Variants in M1AP observed in about 807,000 individuals in gnomAD.
M1AP encodes meiosis 1 associated protein.
Under a neutral mutation model 51.2 loss-of-function variants are expected in M1AP, and 39 were observed. The observed-to-expected ratio is 0.76, with a 90% CI of 0.59 to 1.00. M1AP has a LOEUF of 1.00. Ranked by LOEUF, M1AP falls within the 50% of genes least tolerant of loss-of-function variation. The probability of loss-of-function intolerance (pLI) is 0.00; values close to 1 mark genes in which losing one functional copy is unlikely to be tolerated. For missense variants in M1AP, 545 were observed against 641.2 expected, an observed-to-expected ratio of 0.85 and a Z score of 1.62; for synonymous variants, 251 against 249.2, an observed-to-expected ratio of 1.01 and a Z score of -0.07.
At chr2:74,625,567 A>C (rs1682334758) in intron 2 of M1AP, among the ~76,000 whole-genome samples, 1 of 152,098 alleles carries the variant, frequency 6.6e-6, no homozygotes, top group Non-Finnish European at 1.5e-5. Flanking sequence ...CTCTGTGATA[A>C]ATTCCTTTAA....
chr2:74,565,788 C>T (rs1678337664), intron 7 of M1AP, among the ~76,000 whole-genome samples: 1 of 150,794 alleles, frequency 6.6e-6, no homozygotes, highest in Non-Finnish European at 1.5e-5. Context: ...GAAATCACAC[C>T]ACTGCCCTCC....
intron 4 of M1AP, among the ~76,000 whole-genome samples, chr2:74,595,432 G>A (rs1680273666): frequency 6.6e-6 from 1 of 152,074 alleles, no homozygotes. Context: ...GCTCACTGCA[G>A]CCTTGACCTT....
At chr2:74,611,892 T>TG (rs1439429875) in intron 3 of M1AP, among the ~76,000 whole-genome samples, 41 of 76,640 alleles carry the variant, frequency 5.3e-4, no homozygotes, top group African/African-American at 1.8e-3. Context: ...GTTTTTTTTT[T>TG]TTTTTTTTTT....
chr2:74,613,114 T>A (rs1255926183), intron 3 of M1AP, among the ~76,000 whole-genome samples: 1 of 152,222 alleles, frequency 6.6e-6, no homozygotes, highest in Non-Finnish European at 1.5e-5. Flanking sequence ...ATGTTTTTGA[T>A]CTCTAGCACC....
In M1AP at chr2:74,620,670, G is replaced by A. The variant is rs115057186; in HGVS notation, c.241-5521C>T. On this transcript the variant is annotated intron_variant, in intron 2 of 10. Coordinates refer to ENST00000421985, the MANE Select transcript of M1AP (RefSeq NM_001321739.2). Reference sequence around the variant, plus strand: ...ATGGCCTGTGAACAAGATAATGCTGGGTTCTCCTGCCTGGTACAGTTTTTT... The same window carrying A: ...ATGGCCTGTGAACAAGATAATGCTGAGTTCTCCTGCCTGGTACAGTTTTTT... The A allele has an allele frequency of 3.5e-3, 762 of 215,864 alleles. 3 individuals carry two copies. Among genetic ancestry groups the A allele is most frequent in the African/African-American group, 0.016 (701 of 43,462 alleles). The allele number at this position is 215,864 out of a possible 1,614,324, so 13.4% of individuals were successfully genotyped here.
intron 2 of M1AP, among the ~76,000 whole-genome samples, chr2:74,626,256 A>ATTTTTTTTTT (rs1485849068): frequency 5.9e-5 from 8 of 136,502 alleles, no homozygotes; most frequent in African/African-American, 2.1e-4. Flanking sequence ...GCTATATTTC[A>ATTTTTTTTTT]GTTTTTTTTT....
At chr2:74,612,331 ACCTCGGCCT>A (rs1485026182) in intron 3 of M1AP, among the ~76,000 whole-genome samples, 1 of 151,458 alleles carries the variant, frequency 6.6e-6, no homozygotes, top group East Asian at 1.9e-4. Flanking sequence ...CAATCTTTCC[ACCTCGGCCT>A]CCCAAAGTAG....
At chr2:74,623,321 T>C (rs1278499264) in intron 2 of M1AP, among the ~76,000 whole-genome samples, 1 of 151,964 alleles carries the variant, frequency 6.6e-6, no homozygotes, top group Non-Finnish European at 1.5e-5. Context: ...CTGTGCAACA[T>C]AGTGAAACCC....
At chr2:74,643,406 T>C (rs1173719387) in intron 1 of M1AP, among the ~76,000 whole-genome samples, 1 of 152,212 alleles carries the variant, frequency 6.6e-6, no homozygotes, top group Non-Finnish European at 1.5e-5. Context: ...TGATTTCATC[T>C]ACATTTTAAA....
intron 2 of M1AP, among the ~76,000 whole-genome samples, chr2:74,622,666 G>A (rs1682129593): frequency 1.3e-5 from 2 of 150,770 alleles, no homozygotes; most frequent in South Asian, 2.1e-4. Context: ...TCAAGGAAGA[G>A]AGAGGGTAAC....
intron 2 of M1AP, among the ~76,000 whole-genome samples, chr2:74,621,289 A>T (rs944430603): frequency 2.6e-5 from 4 of 151,302 alleles, no homozygotes; most frequent in Non-Finnish European, 5.9e-5. Flanking sequence ...CTCAAAAAAA[A>T]CCCCAAAAAA....
intron 4 of M1AP, among the ~76,000 whole-genome samples, chr2:74,605,855 C>T (rs950044436): frequency 2.0e-5 from 3 of 151,024 alleles, no homozygotes; most frequent in Non-Finnish European, 4.4e-5. Flanking sequence ...GAGCCGAGAT[C>T]GCGCCACCGC....
At chr2:74,647,420 A>G (rs900815043) in intron 1 of M1AP, 4 of 985,202 alleles carry the variant, frequency 4.1e-6, no homozygotes, top group Non-Finnish European at 4.8e-6. Flanking sequence ...GCAGGGCCCT[A>G]TTAAAGATTT....
intron 2 of M1AP, among the ~76,000 whole-genome samples, chr2:74,631,382 T>C (rs1682695101): frequency 6.6e-6 from 1 of 152,208 alleles, no homozygotes; most frequent in Non-Finnish European, 1.5e-5. Context: ...AATTCACCAC[T>C]ATAGAAATGA....
Position 74,640,144 on chromosome 2 carries a change from A to C in M1AP, c.132T>G (p.Ala44=). Residue 44 remains alanine, a synonymous_variant, in exon 2 of 11, where the codon GCT becomes GCG. Transcript: ENST00000421985. ...AGGCTAGAGAGAAGAAGTTCTGCAG[A>C]GCCTCACAGAGGTTGGTGCAGATGT... is the stretch of plus-strand genomic sequence containing the variant. The part of the protein sequence containing the change: ...WADICTNLCE[A]LQNFFSLACS... 1 of 1,614,094 alleles carries C rather than the reference A, an allele frequency of 6.2e-7. No homozygotes were observed. Among genetic ancestry groups the C allele is most frequent in the Non-Finnish European group, 8.5e-7 (1 of 1,179,918 alleles).
chr2:74,565,156 G>A (rs911788370), intron 7 of M1AP, among the ~76,000 whole-genome samples: 2 of 151,886 alleles, frequency 1.3e-5, no homozygotes, highest in Non-Finnish European at 2.9e-5. Context: ...CCGGGAGGTG[G>A]AGGTTGCAGT....
At chr2:74,624,304 G>C (rs998115273) in intron 2 of M1AP, among the ~76,000 whole-genome samples, 1 of 152,200 alleles carries the variant, frequency 6.6e-6, no homozygotes, top group Non-Finnish European at 1.5e-5. Context: ...GGAATCAGTA[G>C]ACATATATTA....
At chr2:74,628,182 T>C in intron 2 of M1AP, 1 of 199,058 alleles carries the variant, frequency 5.0e-6, no homozygotes. Flanking sequence ...AAACTACTTT[T>C]CCTTTTTATA....
rs1359669152 is a variant in M1AP at position 74,576,567 on chromosome 2, G to A, written c.821C>T (p.Ala274Val). The A allele has an allele frequency of 1.2e-6, 2 of 1,614,108 alleles. No individual in the cohort carries two copies. Among genetic ancestry groups the A allele is most frequent in the Admixed American group, 3.3e-5 (2 of 60,012 alleles). Residue 274 changes from alanine to valine, a missense_variant, in exon 6 of 11, where the codon GCT becomes GTT. By Grantham distance (64) the Ala-to-Val change is moderately conservative (BLOSUM62 0). Transcript: ENST00000421985. ...QERLLCPSLLAGTADGSLRMD... is the reference protein window; with the variant it reads ...QERLLCPSLLVGTADGSLRMD... ...TCTCAAGGAGCCGTCAGCTGTGCCA[G>A]CGAGTAGGGATGGGCAGAGCAGTCG... is the stretch of plus-strand genomic sequence containing the variant.
Sources: allele counts gnomAD v4.1 joint callset (sites outside exome capture counted in the v4.1 genomes callset), GRCh38; gene constraint gnomAD v4.1.1; transcripts MANE v1.5; gene names NCBI Gene and HGNC (gene_info 2026-07-23, HGNC 2026-07-21).